PHACTR4: variants seen among roughly 807,000 people sequenced by gnomAD.
PHACTR4 encodes the protein protein phosphatase 1, regulatory subunit 124.
Under a neutral mutation model 72.7 loss-of-function variants are expected in PHACTR4, and 51 were observed. That is an observed-to-expected ratio of 0.70 (90% CI 0.56 to 0.89). The LOEUF (loss-of-function observed/expected upper bound fraction) is 0.89. PHACTR4 is among the 40% of genes least tolerant of loss of function. The pLI is 0.00. For missense variants in PHACTR4, 731 were observed against 861.8 expected, an observed-to-expected ratio of 0.85 and a Z score of 1.90; for synonymous variants, 255 against 302.5, an observed-to-expected ratio of 0.84 and a Z score of 1.63.
chr1:28,441,283 G>T (rs192405139), intron 2 of PHACTR4, among the ~76,000 whole-genome samples: 1 of 149,502 alleles, frequency 6.7e-6, no homozygotes, highest in Non-Finnish European at 1.5e-5. Flanking sequence ...TCTCACTGTC[G>T]TGACCAGGCT....
chr1:28,479,381 C>G (rs1570084796), intron 8 of PHACTR4, among the ~76,000 whole-genome samples: 2 of 147,070 alleles, frequency 1.4e-5, no homozygotes, highest in Middle Eastern at 7.1e-3. Context: ...GACTGTGCCA[C>G]TACACTCCAG....
At chr1:28,414,427 CAAAAAAAAAA>C (rs765271793) in intron 2 of PHACTR4, among the ~76,000 whole-genome samples, 11 of 61,232 alleles carry the variant, frequency 1.8e-4, no homozygotes, top group African/African-American at 5.5e-4. Flanking sequence ...TCCTCTGTCT[CAAAAAAAAAA>C]AAAAAAAAAA....
intron 2 of PHACTR4, among the ~76,000 whole-genome samples, chr1:28,435,964 G>A (rs1656605369): frequency 6.6e-6 from 1 of 152,104 alleles, no homozygotes; most frequent in Non-Finnish European, 1.5e-5. Context: ...TGTTTTAATG[G>A]TCAACATCAT....
intron 1 of PHACTR4, among the ~76,000 whole-genome samples, chr1:28,397,904 G>A (rs187228204): frequency 4.7e-4 from 71 of 151,836 alleles, no homozygotes; most frequent in African/African-American, 1.5e-3. Context: ...TAGTAGAAAC[G>A]GGTTTTCACC....
chr1:28,497,031 C>G lies in PHACTR4; in HGVS notation c.*482C>G, dbSNP rs1257152143. 5.2e-6 allele frequency: 1 copy of G among 193,396 alleles called. No individual in the cohort carries two copies. The highest frequency in any genetic ancestry group is 1.1e-5 in the Non-Finnish European group (1 of 93,888). 12.0% of individuals were successfully genotyped at this position (193,396 alleles called of 1,614,324 possible). ...CCCCAACCTTCTGATAAAAGAGTCTCTACCTCCAGGGAAAGCCTTCTTACC... is the reference window on the plus strand; with the variant it reads ...CCCCAACCTTCTGATAAAAGAGTCTGTACCTCCAGGGAAAGCCTTCTTACC... On this transcript the variant is annotated 3_prime_UTR_variant, in exon 14 of 14. Transcript: ENST00000373839.
At chr1:28,372,862 A>C (rs904233485) in intron 1 of PHACTR4, among the ~76,000 whole-genome samples, 33 of 152,104 alleles carry the variant, frequency 2.2e-4, no homozygotes, top group African/African-American at 7.2e-4. Context: ...AAAAAAAAAA[A>C]AAAACACAGA....
At chr1:28,450,306 C>G (rs963478505) in intron 2 of PHACTR4, among the ~76,000 whole-genome samples, 7 of 145,904 alleles carry the variant, frequency 4.8e-5, no homozygotes, top group Admixed American at 1.4e-4. Context: ...TTTTTTTTCA[C>G]TCATAGAAAA....
intron 8 of PHACTR4, among the ~76,000 whole-genome samples, chr1:28,477,446 T>C (rs61785976): frequency 0.28 from 42,630 of 151,636 alleles, 6,162 homozygotes; most frequent in Middle Eastern, 0.34. Context: ...GCTCTAGGAT[T>C]ACAGGCATGA....
chr1:28,451,233 C>T (rs1474913674), intron 2 of PHACTR4, among the ~76,000 whole-genome samples: 1 of 151,736 alleles, frequency 6.6e-6, no homozygotes. Flanking sequence ...GGATTACAGG[C>T]GTGAGCCACT....
intron 2 of PHACTR4, among the ~76,000 whole-genome samples, chr1:28,450,409 T>C (rs779626567): frequency 4.6e-5 from 7 of 152,124 alleles, no homozygotes; most frequent in Non-Finnish European, 1.0e-4. Flanking sequence ...ATATGTTCTC[T>C]GTCAAATTGG....
intron 1 of PHACTR4, among the ~76,000 whole-genome samples, chr1:28,403,577 G>C (rs547790896): frequency 6.6e-6 from 1 of 152,136 alleles, no homozygotes; most frequent in Non-Finnish European, 1.5e-5. Flanking sequence ...GTATTTTTGA[G>C]ATATAATTCA....
intron 10 of PHACTR4, 101 bp from the exon 11 acceptor site, chr1:28,490,850 A>C (rs1570117041): frequency 7.8e-7 from 1 of 1,290,002 alleles, no homozygotes; most frequent in Admixed American, 2.0e-5. Flanking sequence ...TCTCAAAAAA[A>C]AAAAACAAAA....
chr1:28,427,450 C>T (rs147681534), intron 2 of PHACTR4, among the ~76,000 whole-genome samples: 7 of 152,070 alleles, frequency 4.6e-5, no homozygotes, highest in East Asian at 1.9e-4. Context: ...CACTTGAACT[C>T]GGGAGGCGGA....
chr1:28,458,097 GGTGTGTGTGTTTGTGTGTGTGTGT>G (rs1468217249), intron 2 of PHACTR4, among the ~76,000 whole-genome samples: 20 of 135,308 alleles, frequency 1.5e-4, no homozygotes, highest in African/African-American at 5.2e-4. Flanking sequence ...TTAATATTAT[GGTGTGTGTGTTTGTGTGTGTGTGT>G]GTGTGTGTGT....
intron 1 of PHACTR4, among the ~76,000 whole-genome samples, chr1:28,374,672 C>A (rs1426052868): frequency 6.6e-6 from 1 of 152,086 alleles, no homozygotes; most frequent in Non-Finnish European, 1.5e-5. Context: ...TCAACAAATA[C>A]GGAAAGTCTG....
chr1:28,428,948 A>G (rs985077439), intron 2 of PHACTR4, among the ~76,000 whole-genome samples: 13 of 152,210 alleles, frequency 8.5e-5, no homozygotes, highest in Non-Finnish European at 1.3e-4. Context: ...GAAAGCTGAG[A>G]TTTTACATAG....
At chr1:28,375,935 G>A (rs1651624614) in intron 1 of PHACTR4, among the ~76,000 whole-genome samples, 1 of 152,050 alleles carries the variant, frequency 6.6e-6, no homozygotes, top group Non-Finnish European at 1.5e-5. Context: ...CAGGCGTGGT[G>A]GTACACGCCT....
At chr1:28,408,724 G>A (rs1434175292) in intron 2 of PHACTR4, among the ~76,000 whole-genome samples, 4 of 151,510 alleles carry the variant, frequency 2.6e-5, no homozygotes, top group Non-Finnish European at 4.4e-5. Flanking sequence ...CGCCCAGGCT[G>A]GAGTGCAGTG....
At chr1:28,479,779 G>C (rs1660162649) in intron 8 of PHACTR4, among the ~76,000 whole-genome samples, 1 of 151,936 alleles carries the variant, frequency 6.6e-6, no homozygotes, top group Non-Finnish European at 1.5e-5. Flanking sequence ...TATAATCTCA[G>C]CTACTCAGGA....
Sources: allele counts gnomAD v4.1 joint callset (sites outside exome capture counted in the v4.1 genomes callset), GRCh38; gene constraint gnomAD v4.1.1; transcripts MANE v1.5; gene names NCBI Gene and HGNC (gene_info 2026-07-23, HGNC 2026-07-21).